The following EPYC variants were observed in gnomAD, a reference collection of about 807,000 sequenced individuals.
EPYC encodes the protein dermatan sulfate proteoglycan 3.
In EPYC, 28 loss-of-function variants were observed where a neutral mutation model predicts 30.1. The ratio of observed to expected loss-of-function variants is 0.93; its 90% CI spans 0.69 to 1.28. The LOEUF is 1.28. EPYC is among the 50% of genes most tolerant of loss of function. EPYC has a pLI of 0.00. For missense variants in EPYC, 382 were observed against 383.5 expected (o/e 1.00, Z 0.03); for synonymous variants, 144 against 141.4 (o/e 1.02, Z -0.13).
intron 2 of EPYC, among the ~76,000 whole-genome samples, chr12:90,987,949 A>G (rs1417729578): frequency 2.0e-5 from 3 of 152,096 alleles, no homozygotes; most frequent in Non-Finnish European, 4.4e-5. Context: ...GAAAACCCCA[A>G]TTTAGTCAGG....
intron 2 of EPYC, among the ~76,000 whole-genome samples, chr12:90,986,693 A>G (rs566372873): frequency 1.3e-5 from 2 of 152,302 alleles, no homozygotes; most frequent in South Asian, 4.1e-4. Flanking sequence ...CCAGCACTGT[A>G]CCAACCTAGC....
chr12:90,996,352 A>G (rs1218308972), intron 2 of EPYC, among the ~76,000 whole-genome samples: 1 of 151,912 alleles, frequency 6.6e-6, no homozygotes, highest in Non-Finnish European at 1.5e-5. Context: ...ATCAACATAT[A>G]TTCTAAAGTT....
At chr12:90,984,037 G>A (rs1028844538) in intron 2 of EPYC, among the ~76,000 whole-genome samples, 2 of 152,054 alleles carry the variant, frequency 1.3e-5, no homozygotes, top group Non-Finnish European at 2.9e-5. Flanking sequence ...AGGACAAAAG[G>A]CATCACTCTT....
At chr12:90,981,544 T>C (rs1877325733) in intron 2 of EPYC, among the ~76,000 whole-genome samples, 1 of 152,126 alleles carries the variant, frequency 6.6e-6, no homozygotes, top group Non-Finnish European at 1.5e-5. Flanking sequence ...TAAGTGACAA[T>C]AAGATTTGGT....
At chr12:90,971,231 A>G (rs1877036079) in intron 5 of EPYC, among the ~76,000 whole-genome samples, 1 of 152,172 alleles carries the variant, frequency 6.6e-6, no homozygotes, top group South Asian at 2.1e-4. Context: ...TGCTTCAGGT[A>G]GCCACCAACT....
chr12:90,997,962 T>C (rs1248271973), intron 2 of EPYC, among the ~76,000 whole-genome samples: 2 of 152,058 alleles, frequency 1.3e-5, no homozygotes, highest in Non-Finnish European at 2.9e-5. Context: ...AATAGTCTTT[T>C]ATCACCCTTT....
At chr12:90,981,495 C>T (rs1877324233) in intron 2 of EPYC, among the ~76,000 whole-genome samples, 1 of 151,972 alleles carries the variant, frequency 6.6e-6, no homozygotes, top group South Asian at 2.1e-4. Context: ...CATTGTTGTC[C>T]ACAGAAAATT....
chr12:90,995,118 T>C (rs1022239878), intron 2 of EPYC, among the ~76,000 whole-genome samples: 73 of 152,124 alleles, frequency 4.8e-4, no homozygotes, highest in African/African-American at 1.6e-3. Context: ...GTTTCCGTGA[T>C]CTACATTAAT....
Position 90,964,066 on chromosome 12 carries a change from T to G in EPYC, c.*90A>C, listed in dbSNP as rs532053625. 260 of 1,041,018 alleles carry G rather than the reference T, an allele frequency of 2.5e-4. 6 individuals are homozygous for G. The South Asian group carries it at 4.7e-3, about 19-fold the overall frequency. The allele number at this position is 1,041,018 out of a possible 1,614,324, so 64.5% of individuals were successfully genotyped here. A position where few individuals can be genotyped will look rare whatever the true frequency, so the allele number is the denominator to read the frequency against. On this transcript the variant is annotated 3_prime_UTR_variant, in exon 7 of 7. Transcript: ENST00000261172. ...TCATATCATCTCTCAGAACACAATC[T>G]CAAAGTATCATGCTGAGTTTTGTTT... is the stretch of plus-strand genomic sequence containing the variant.
chr12:90,984,842 G>C (rs1024354063), intron 2 of EPYC, among the ~76,000 whole-genome samples: 2 of 152,076 alleles, frequency 1.3e-5, no homozygotes, highest in African/African-American at 2.4e-5. Flanking sequence ...CCTTCAAGCT[G>C]TAGGGGGAGG....
chr12:90,998,730 C>T (rs1212942470), intron 2 of EPYC, among the ~76,000 whole-genome samples: 1 of 152,102 alleles, frequency 6.6e-6, no homozygotes, highest in East Asian at 1.9e-4. Context: ...TTTCATGCTG[C>T]ATAACAAATT....
At chr12:90,992,040 A>G (rs1395642228) in intron 2 of EPYC, among the ~76,000 whole-genome samples, 1 of 152,178 alleles carries the variant, frequency 6.6e-6, no homozygotes, top group Non-Finnish European at 1.5e-5. Context: ...GTAGCCTCCA[A>G]CCTTTCTGGC....
chr12:90,986,720 C>G (rs962127059), intron 2 of EPYC, among the ~76,000 whole-genome samples: 1 of 152,088 alleles, frequency 6.6e-6, no homozygotes, highest in Non-Finnish European at 1.5e-5. Context: ...CTGAGTCAAC[C>G]CAGTGCAAAC....
intron 2 of EPYC, among the ~76,000 whole-genome samples, chr12:90,991,835 A>G (rs1474326480): frequency 6.6e-6 from 1 of 152,176 alleles, no homozygotes; most frequent in Non-Finnish European, 1.5e-5. Flanking sequence ...GAATCACTGC[A>G]CCAGAGAAGT....
intron 1 of EPYC, among the ~76,000 whole-genome samples, chr12:91,004,390 C>A (rs1877903073): frequency 6.6e-6 from 1 of 152,000 alleles, no homozygotes; most frequent in Non-Finnish European, 1.5e-5. Context: ...AATTTATATT[C>A]CTTTCTTCAA....
At chr12:90,993,786 C>T (rs1176164840) in intron 2 of EPYC, among the ~76,000 whole-genome samples, 1 of 151,348 alleles carries the variant, frequency 6.6e-6, no homozygotes, top group Non-Finnish European at 1.5e-5. Flanking sequence ...AATTATTGAA[C>T]TAAGATTTAT....
intron 2 of EPYC, among the ~76,000 whole-genome samples, chr12:90,983,329 C>G (rs1048022565): frequency 2.6e-5 from 4 of 152,104 alleles, no homozygotes; most frequent in African/African-American, 9.7e-5. Flanking sequence ...TACCATTGGA[C>G]CCCTTTAGCT....
intron 2 of EPYC, among the ~76,000 whole-genome samples, chr12:90,980,684 C>T (rs541673519): frequency 2.6e-5 from 4 of 152,190 alleles, no homozygotes; most frequent in African/African-American, 9.6e-5. Flanking sequence ...ACACAAATGA[C>T]CAGAAAAAAA....
In EPYC at chr12:90,972,016, A is replaced by C; in HGVS notation, c.500-14T>G. ...TTTTTAAATCACCTAGCAGAAAAAA[A>C]TAAAGGAAGTAATTAAATATTCTTG... On this transcript the variant is annotated splice_polypyrimidine_tract_variant and intron_variant, in intron 4 of 6. Coordinates refer to ENST00000261172, the MANE Select transcript of EPYC (RefSeq NM_004950.5). 7.2e-7 allele frequency: 1 copy of C among 1,390,698 alleles called. No homozygotes were observed. The highest frequency in any genetic ancestry group is 9.8e-7 in the Non-Finnish European group (1 of 1,018,876). The allele number at this position is 1,390,698 out of a possible 1,614,324, so 86.1% of individuals were successfully genotyped here.
Sources: gnomAD v4.1 joint callset for allele counts (sites outside exome capture counted in the v4.1 genomes callset) on GRCh38, gnomAD v4.1.1 for gene constraint, MANE v1.5 for transcripts, NCBI Gene and HGNC (gene_info 2026-07-23, HGNC 2026-07-21) for gene names.